The following EYS variants were observed in gnomAD, a reference collection of about 807,000 sequenced individuals.
EYS encodes protein eyes shut homolog.
In EYS, 250 loss-of-function variants were observed where a neutral mutation model predicts 282.1. The observed-to-expected ratio is 0.89, with a 90% CI of 0.80 to 0.98. The LOEUF (loss-of-function observed/expected upper bound fraction) is 0.98. EYS is among the 50% of genes least tolerant of loss of function. The pLI is 0.00. For synonymous variants in EYS, 1,355 were observed against 1,282.9 expected, an observed-to-expected ratio of 1.06 and a Z score of -1.20; for missense variants, 4,016 against 3,709.0, an observed-to-expected ratio of 1.08 and a Z score of -2.15.
intron 5 of EYS, among the ~76,000 whole-genome samples, chr6:65,420,446 C>A (rs1116349): frequency 6.8e-6 from 1 of 146,898 alleles, no homozygotes; most frequent in East Asian, 1.9e-4. Context: ...ACTTTTCATT[C>A]TAGTGTTCTT....
At chr6:64,847,179 T>C (rs1485363801) in intron 19 of EYS, among the ~76,000 whole-genome samples, 1 of 152,030 alleles carries the variant, frequency 6.6e-6, no homozygotes, top group Non-Finnish European at 1.5e-5. Context: ...AGGCTTCTCA[T>C]CCTCTGTAAT....
intron 14 of EYS, among the ~76,000 whole-genome samples, chr6:64,960,809 C>T (rs910193258): frequency 6.6e-6 from 1 of 152,140 alleles, no homozygotes; most frequent in Non-Finnish European, 1.5e-5. Context: ...CCTACTGCCA[C>T]CCACCACCCT....
intron 22 of EYS, among the ~76,000 whole-genome samples, chr6:64,724,319 C>T (rs966628290): frequency 6.6e-6 from 1 of 152,170 alleles, no homozygotes; most frequent in Non-Finnish European, 1.5e-5. Flanking sequence ...TTTGCCTTGC[C>T]TGCTAGCCAA....
At chr6:63,754,857 T>A (rs1236934262) in intron 41 of EYS, among the ~76,000 whole-genome samples, 1 of 152,206 alleles carries the variant, frequency 6.6e-6, no homozygotes, top group African/African-American at 2.4e-5. Context: ...ACCTGTTGTT[T>A]CCTGACTTTT....
chr6:64,678,767 T>C (rs1382759872), intron 22 of EYS, among the ~76,000 whole-genome samples: 1 of 151,426 alleles, frequency 6.6e-6, no homozygotes, highest in African/African-American at 2.4e-5. Flanking sequence ...GGTGGATCAA[T>C]TGAGGTCTGG....
intron 31 of EYS, among the ~76,000 whole-genome samples, chr6:64,110,451 A>G (rs1773169565): frequency 1.3e-5 from 2 of 151,994 alleles, no homozygotes; most frequent in South Asian, 4.1e-4. Flanking sequence ...TTTGTAGATC[A>G]GAAGATCAGT....
chr6:63,856,441 C>T (rs570511354), intron 36 of EYS, among the ~76,000 whole-genome samples: 105 of 152,306 alleles, frequency 6.9e-4, no homozygotes, highest in Admixed American at 2.4e-3. Flanking sequence ...GAAAGGAGAA[C>T]ATTTGGCCTT....
chr6:65,368,742 G>A (rs544951809), intron 8 of EYS, among the ~76,000 whole-genome samples: 1 of 151,780 alleles, frequency 6.6e-6, no homozygotes, highest in Non-Finnish European at 1.5e-5. Context: ...GCTAGTTTGA[G>A]GATGCTGCTC....
At chr6:65,439,035 G>T (rs1256118718) in intron 5 of EYS, among the ~76,000 whole-genome samples, 1 of 152,112 alleles carries the variant, frequency 6.6e-6, no homozygotes, top group African/African-American at 2.4e-5. Flanking sequence ...TTTTGTATAA[G>T]GTGTAAGGAA....
intron 5 of EYS, among the ~76,000 whole-genome samples, chr6:65,456,164 A>C (rs1764604965): frequency 6.6e-6 from 1 of 151,994 alleles, no homozygotes; most frequent in Admixed American, 6.6e-5. Context: ...GTACACTAAA[A>C]AGAACAGGCC....
At chr6:65,624,183 A>T (rs1327930104) in intron 2 of EYS, among the ~76,000 whole-genome samples, 1 of 152,240 alleles carries the variant, frequency 6.6e-6, no homozygotes, top group Non-Finnish European at 1.5e-5. Context: ...TCTCAAACTT[A>T]TACAAAAGCA....
intron 35 of EYS, among the ~76,000 whole-genome samples, chr6:63,890,913 C>G (rs1006394296): frequency 3.3e-5 from 5 of 152,170 alleles, no homozygotes; most frequent in African/African-American, 1.2e-4. Context: ...GAAATCACCA[C>G]TGATCCCACA....
Position 63,818,044 on chromosome 6 carries a change from AAT to A in EYS, c.7229-11674_7229-11673del, listed in dbSNP as rs768781257. Among the ~76,000 whole-genome samples, 4 of 152,318 alleles carry A rather than the reference AAT, an allele frequency of 2.6e-5. No individual in the cohort carries two copies. The East Asian group carries it at 5.8e-4, about 22-fold the overall frequency. ...AGCTAGTGGGAACCCTCCTCAGAAT[AAT>A]GTTTTTAAATTCATACAGTAAAATA... On this transcript the variant is annotated intron_variant, in intron 36 of 42. Coordinates refer to ENST00000503581, the MANE Select transcript of EYS (RefSeq NM_001142800.2).
Position 64,726,921 on chromosome 6 carries a change from C to T in EYS, c.3443+86457G>A, listed in dbSNP as rs376220127. On this transcript the variant is annotated intron_variant, in intron 22 of 42. Transcript: ENST00000503581. ...ACAATGAATAACATGCACTTAAGAA[C>T]CTCACACAGAGAAAAATTGCAACTG... Among the ~76,000 whole-genome samples the T allele has an allele frequency of 2.8e-4, 42 of 152,186 alleles. 1 individual carries two copies. In the South Asian group the frequency reaches 3.7e-3, roughly 14 times the overall value.
chr6:64,908,001 C>G (rs566927472), intron 16 of EYS, among the ~76,000 whole-genome samples: 1 of 152,234 alleles, frequency 6.6e-6, no homozygotes, highest in Admixed American at 6.5e-5. Context: ...GCTGGAGACT[C>G]TCTTATAAAT....
intron 26 of EYS, among the ~76,000 whole-genome samples, chr6:64,522,642 G>A (rs1221625323): frequency 6.6e-6 from 1 of 151,754 alleles, no homozygotes; most frequent in Non-Finnish European, 1.5e-5. Flanking sequence ...AGCAGGAGGT[G>A]TATGGCCCCC....
intron 22 of EYS, among the ~76,000 whole-genome samples, chr6:64,641,473 C>A (rs558518858): frequency 6.6e-6 from 1 of 152,264 alleles, no homozygotes; most frequent in Non-Finnish European, 1.5e-5. Flanking sequence ...TTGCATGGTA[C>A]AGTAAGAAGA....
intron 30 of EYS, among the ~76,000 whole-genome samples, chr6:64,253,565 A>G (rs1767291142): frequency 6.6e-6 from 1 of 152,172 alleles, no homozygotes; most frequent in South Asian, 2.1e-4. Flanking sequence ...TGCTGTGTCC[A>G]GAGACCATGG....
In EYS at chr6:64,066,391, A is replaced by C; in HGVS notation, c.6672T>G (p.Thr2224=). The change falls in exon 33 of 43, where the codon ACT becomes ACG. Residue 2224 remains threonine (T), a synonymous_variant. Coordinates refer to ENST00000503581, the MANE Select transcript of EYS (RefSeq NM_001142800.2). The stretch of plus-strand genomic sequence containing the variant: ...TGTTAATGCTGTAATTAGCAGAAAC[A>C]GTCAAAATATTTTGAGAATTTCCAC... ...YGCGNSQNIL[T]VSANYSINTN... 2 of 1,551,648 alleles carry C rather than the reference A, an allele frequency of 1.3e-6. No individual in the cohort carries two copies. Among genetic ancestry groups the C allele is most frequent in the Non-Finnish European group, 1.7e-6 (2 of 1,146,746 alleles).
Sources: allele counts gnomAD v4.1 joint callset (sites outside exome capture counted in the v4.1 genomes callset), GRCh38; gene constraint gnomAD v4.1.1; transcripts MANE v1.5; gene names NCBI Gene and HGNC (gene_info 2026-07-23, HGNC 2026-07-21).